XKR4: variants seen among roughly 807,000 people sequenced by gnomAD.
XKR4 encodes the protein XK related 4, also known as XK-related protein 4.
Under a neutral mutation model 53.9 loss-of-function variants are expected in XKR4, and 12 were observed. That is an observed-to-expected ratio of 0.22 (90% CI 0.14 to 0.36). The LOEUF is 0.36. Ranked by LOEUF, XKR4 falls within the 10% of genes least tolerant of loss-of-function variation. XKR4 has a pLI of 1.00. For missense variants in XKR4, 799 were observed against 859.5 expected (o/e 0.93, Z 0.88); for synonymous variants, 354 against 362.4 (o/e 0.98, Z 0.26).
intron 1 of XKR4, among the ~76,000 whole-genome samples, chr8:55,127,619 A>T (rs547723341): frequency 6.7e-6 from 1 of 150,342 alleles, no homozygotes; most frequent in Non-Finnish European, 1.5e-5. Flanking sequence ...TTTAGGGTAC[A>T]TGTGCACAAC....
chr8:55,222,875 AAGGGC>A (rs1817900467), intron 1 of XKR4, among the ~76,000 whole-genome samples: 1 of 152,184 alleles, frequency 6.6e-6, no homozygotes, highest in Non-Finnish European at 1.5e-5. Flanking sequence ...ACACCACAGA[AAGGGC>A]AGGAGTCAGG....
At chr8:55,518,908 A>G (rs1458029792) in intron 2 of XKR4, among the ~76,000 whole-genome samples, 1 of 152,210 alleles carries the variant, frequency 6.6e-6, no homozygotes, top group Non-Finnish European at 1.5e-5. Flanking sequence ...AGGAGAGAGA[A>G]AAAAATCACA....
chr8:55,415,099 A>G (rs1804828740), intron 2 of XKR4, among the ~76,000 whole-genome samples: 1 of 152,230 alleles, frequency 6.6e-6, no homozygotes, highest in East Asian at 1.9e-4. Context: ...TTACATCACT[A>G]ACAATAGTCT....
At chr8:55,189,652 T>G (rs996805140) in intron 1 of XKR4, among the ~76,000 whole-genome samples, 2 of 152,348 alleles carry the variant, frequency 1.3e-5, no homozygotes, top group East Asian at 3.9e-4. Flanking sequence ...GACAGGAATT[T>G]TTTAGCTTCC....
At chr8:55,153,339 T>C (rs1016104707) in intron 1 of XKR4, among the ~76,000 whole-genome samples, 2 of 152,208 alleles carry the variant, frequency 1.3e-5, no homozygotes, top group African/African-American at 4.8e-5. Context: ...CGAGGGAAGA[T>C]ATAAGAGAGA....
intron 2 of XKR4, among the ~76,000 whole-genome samples, chr8:55,506,350 G>C (rs1221960672): frequency 6.6e-6 from 1 of 152,130 alleles, no homozygotes; most frequent in South Asian, 2.1e-4. Context: ...CAGCCACAAG[G>C]TTTCCCACTC....
rs1175042834 is a variant in XKR4, at chr8:55,357,782, T to C, written c.911T>C (p.Met304Thr). 1 of 1,614,082 alleles carries C rather than the reference T, an allele frequency of 6.2e-7. No homozygotes were observed. The highest frequency in any genetic ancestry group is 1.7e-5 in the Admixed American group (1 of 59,998). The change falls in exon 2 of 3, where the codon ATG (methionine) becomes ACG (threonine). Residue 304 changes from methionine (M) to threonine (T), a missense_variant. Transcript: ENST00000327381. ...KMVYEYADVS[M>T]LHLLATFLES... Reference sequence around the variant, plus strand: ...GTATATGAGTATGCGGATGTGAGTATGCTGCATTTGCTAGCCACCTTTCTG... The same window carrying C: ...GTATATGAGTATGCGGATGTGAGTACGCTGCATTTGCTAGCCACCTTTCTG...
intron 1 of XKR4, among the ~76,000 whole-genome samples, chr8:55,303,846 C>T (rs895614285): frequency 1.3e-5 from 2 of 151,814 alleles, no homozygotes; most frequent in Admixed American, 6.6e-5. Flanking sequence ...TGGTGATATC[C>T]CCTTTATCAT....
intron 1 of XKR4, among the ~76,000 whole-genome samples, chr8:55,201,204 T>C (rs545331168): frequency 1.3e-5 from 2 of 152,350 alleles, no homozygotes; most frequent in South Asian, 2.1e-4. Context: ...ATCAGTACTC[T>C]GTCTTTTCAA....
chr8:55,273,491 G>A (rs1456577223), intron 1 of XKR4, among the ~76,000 whole-genome samples: 1 of 152,106 alleles, frequency 6.6e-6, no homozygotes, highest in Non-Finnish European at 1.5e-5. Context: ...AGAAATTATG[G>A]TTTAGGAGTC....
chr8:55,189,333 G>A (rs886401949), intron 1 of XKR4, among the ~76,000 whole-genome samples: 1 of 152,052 alleles, frequency 6.6e-6, no homozygotes, highest in Non-Finnish European at 1.5e-5. Flanking sequence ...AACGTCTGCC[G>A]AGGCACAGCT....
intron 2 of XKR4, among the ~76,000 whole-genome samples, chr8:55,375,480 A>T (rs1475358329): frequency 6.6e-6 from 1 of 152,118 alleles, no homozygotes; most frequent in African/African-American, 2.4e-5. Flanking sequence ...CTTCCTGCCC[A>T]AGGTCTTGGT....
At chr8:55,162,907 A>T (rs933588609) in intron 1 of XKR4, among the ~76,000 whole-genome samples, 1 of 152,228 alleles carries the variant, frequency 6.6e-6, no homozygotes, top group African/African-American at 2.4e-5. Context: ...ATCCCTGAAC[A>T]TATATATGGG....
intron 1 of XKR4, among the ~76,000 whole-genome samples, chr8:55,179,289 TTCCAC>T (rs72222497): frequency 0.09 from 13,727 of 151,764 alleles, 1,678 homozygotes; most frequent in African/African-American, 0.28. Flanking sequence ...CATGACAACA[TTCCAC>T]CTATTCATTC....
intron 1 of XKR4, among the ~76,000 whole-genome samples, chr8:55,311,259 GT>G: frequency 6.6e-6 from 1 of 152,348 alleles, no homozygotes; most frequent in Admixed American, 6.5e-5. Context: ...CACTCACAGT[GT>G]CATGGGGAAA....
At chr8:55,505,634 CTGCTATT>C (rs1391301671) in intron 2 of XKR4, among the ~76,000 whole-genome samples, 2 of 152,200 alleles carry the variant, frequency 1.3e-5, no homozygotes, top group Non-Finnish European at 1.5e-5. Flanking sequence ...AGATTTCCCT[CTGCTATT>C]TATTTCTAGT....
At chr8:55,247,909 G>A (rs1818308623) in intron 1 of XKR4, among the ~76,000 whole-genome samples, 2 of 97,970 alleles carry the variant, frequency 2.0e-5, no homozygotes, top group Admixed American at 2.3e-4. Flanking sequence ...AGGCTGGAGT[G>A]CAGTGGCACA....
intron 2 of XKR4, among the ~76,000 whole-genome samples, chr8:55,456,957 G>T (rs1365870466): frequency 6.6e-6 from 1 of 151,578 alleles, no homozygotes; most frequent in Non-Finnish European, 1.5e-5. Context: ...AAACATATCA[G>T]AATTCACACC....
At chr8:55,409,898 C>T (rs1360582238) in intron 2 of XKR4, among the ~76,000 whole-genome samples, 1 of 152,190 alleles carries the variant, frequency 6.6e-6, no homozygotes, top group African/African-American at 2.4e-5. Context: ...GAAACTAAAA[C>T]TTAAATACTT....
Sources: allele counts gnomAD v4.1 joint callset (sites outside exome capture counted in the v4.1 genomes callset), GRCh38; gene constraint gnomAD v4.1.1; transcripts MANE v1.5; gene names NCBI Gene and HGNC (gene_info 2026-07-23, HGNC 2026-07-21).